ZFYVE9: variants seen among roughly 807,000 people sequenced by gnomAD.
ZFYVE9 encodes zinc finger FYVE domain-containing protein 9.
Under a neutral mutation model 126.7 loss-of-function variants are expected in ZFYVE9, and 43 were observed. The ratio of observed to expected loss-of-function variants is 0.34; its 90% confidence interval spans 0.27 to 0.44. The LOEUF (loss-of-function observed/expected upper bound fraction) is 0.44. Ranked by LOEUF, ZFYVE9 falls within the 20% of genes least tolerant of loss-of-function variation. ZFYVE9 has a pLI of 1.00. For synonymous variants in ZFYVE9, 521 were observed against 597.4 expected (o/e 0.87, Z 1.87); for missense variants, 1,476 against 1,697.0 (o/e 0.87, Z 2.29).
chr1:52,267,002 G>A lies in ZFYVE9; in HGVS notation c.2455+171G>A, dbSNP rs3748622. On this transcript the variant is annotated intron_variant, in intron 6 of 18. Coordinates refer to ENST00000287727, the MANE Select transcript of ZFYVE9 (RefSeq NM_004799.4). The stretch of plus-strand genomic sequence containing the variant: ...ATGTGTCAAGACTATTTCTGGGCAA[G>A]TAGAGAATAATATTTGTGTTGCTTG... 3.9e-3 allele frequency among the ~76,000 whole-genome samples: 594 copies of A among 152,320 alleles called. 11 individuals are homozygous for A. The South Asian group carries it at 0.044, about 11-fold the overall frequency.
intron 1 of ZFYVE9, among the ~76,000 whole-genome samples, chr1:52,195,018 G>A (rs1644847564): frequency 6.6e-6 from 1 of 152,044 alleles, no homozygotes; most frequent in Non-Finnish European, 1.5e-5. Context: ...CAATAGACAT[G>A]TATGTATTTT....
At chr1:52,165,028 G>A (rs554239682) in intron 1 of ZFYVE9, among the ~76,000 whole-genome samples, 1 of 152,090 alleles carries the variant, frequency 6.6e-6, no homozygotes, top group Non-Finnish European at 1.5e-5. Context: ...TTGCACAACT[G>A]TGTGGACATA....
At chr1:52,168,417 GT>G (rs1644533717) in intron 1 of ZFYVE9, among the ~76,000 whole-genome samples, 1 of 151,470 alleles carries the variant, frequency 6.6e-6, no homozygotes, top group Admixed American at 6.6e-5. Flanking sequence ...GGGTTTCACC[GT>G]ATTGGTCAGG....
chr1:52,286,614 T>C (rs985741858), intron 10 of ZFYVE9, among the ~76,000 whole-genome samples: 26 of 152,216 alleles, frequency 1.7e-4, no homozygotes, highest in Non-Finnish European at 3.4e-4. Flanking sequence ...CATTCCTCCA[T>C]ATTTTGTACC....
Position 52,303,998 on chromosome 1 carries a change from A to G in ZFYVE9, c.3438+73A>G, listed in dbSNP as rs928868740. 6.2e-6 allele frequency: 6 copies of G among 969,860 alleles called. No homozygotes were observed. The highest frequency in any genetic ancestry group is 3.4e-5 in the African/African-American group (2 of 58,628). The allele number at this position is 969,860 out of a possible 1,614,324, so 60.1% of individuals were successfully genotyped here. On this transcript the variant is annotated intron_variant, in intron 13 of 18. Transcript: ENST00000287727. ...GAAGGTGAAAAATGCATGATTATAT[A>G]TAAATTTTACTTATAATTAATTAAC...
chr1:52,322,824 A>C (rs1646254188), intron 13 of ZFYVE9, among the ~76,000 whole-genome samples: 1 of 150,874 alleles, frequency 6.6e-6, no homozygotes, highest in South Asian at 2.1e-4. Flanking sequence ...TCTTTTTTGG[A>C]GACAGAGTCT....
intron 1 of ZFYVE9, among the ~76,000 whole-genome samples, chr1:52,201,280 A>G (rs1482539190): frequency 6.6e-6 from 1 of 151,810 alleles, no homozygotes. Context: ...CAACTTATTC[A>G]TCAGTGGTAT....
At chr1:52,191,022 C>T (rs1018865405) in intron 1 of ZFYVE9, among the ~76,000 whole-genome samples, 32 of 152,118 alleles carry the variant, frequency 2.1e-4, no homozygotes, top group African/African-American at 6.0e-4. Flanking sequence ...CTTCAACCTC[C>T]GTGGCTCAAG....
intron 1 of ZFYVE9, among the ~76,000 whole-genome samples, chr1:52,159,201 G>A (rs1644432552): frequency 6.6e-6 from 1 of 152,102 alleles, no homozygotes; most frequent in South Asian, 2.1e-4. Flanking sequence ...GTTAACACTT[G>A]GGCCACCAGC....
chr1:52,284,832 G>A (rs1645842566), intron 10 of ZFYVE9, among the ~76,000 whole-genome samples: 1 of 152,114 alleles, frequency 6.6e-6, no homozygotes, highest in Non-Finnish European at 1.5e-5. Flanking sequence ...ACTAATGATA[G>A]TCTAAGGTCA....
intron 13 of ZFYVE9, among the ~76,000 whole-genome samples, chr1:52,310,305 TAATA>T (rs1646125927): frequency 6.6e-6 from 1 of 152,180 alleles, no homozygotes. Flanking sequence ...TATTAACTAA[TAATA>T]AATATTTAGT....
chr1:52,211,710 G>C (rs1645030120), intron 1 of ZFYVE9, among the ~76,000 whole-genome samples: 2 of 152,148 alleles, frequency 1.3e-5, no homozygotes, highest in Admixed American at 1.3e-4. Flanking sequence ...TTGATTACTG[G>C]TCAGATACTG....
rs555953958 is a variant in ZFYVE9 at position 52,338,473 on chromosome 1, C to T, written c.3833+539C>T. 4.6e-5 allele frequency among the ~76,000 whole-genome samples: 7 copies of T among 152,278 alleles called. No individual in the cohort carries two copies. In the East Asian group the frequency reaches 1.3e-3, roughly 29 times the overall value. ...ACATCTTTGACACTTTTCTTTCCCC[C>T]TCACCCCTTTCTTCCTCTCATACCC... On this transcript the variant is annotated intron_variant, in intron 16 of 18. Coordinates refer to ENST00000287727, the MANE Select transcript of ZFYVE9 (RefSeq NM_004799.4).
In ZFYVE9 at chr1:52,294,671, G is replaced by T. The variant is rs559513215; in HGVS notation, c.3250+994G>T. 2.6e-5 allele frequency among the ~76,000 whole-genome samples: 4 copies of T among 152,298 alleles called. No individual in the cohort carries two copies. In the South Asian group the frequency reaches 8.3e-4, roughly 32 times the overall value. ...TCCAAGACAGGCTCTAACTTGACCA[G>T]ACCAGGAATGAAGGAGTAGTTGGAC... On this transcript the variant is annotated intron_variant, in intron 11 of 18. Coordinates refer to ENST00000287727, the MANE Select transcript of ZFYVE9 (RefSeq NM_004799.4).
At chr1:52,258,629 A>C (rs758708342) in intron 4 of ZFYVE9, among the ~76,000 whole-genome samples, 1 of 152,190 alleles carries the variant, frequency 6.6e-6, no homozygotes, top group Non-Finnish European at 1.5e-5. Context: ...ATTCAGGATT[A>C]TTTAAACTAT....
At chr1:52,341,108 T>A (rs1187679671) in intron 17 of ZFYVE9, among the ~76,000 whole-genome samples, 1 of 152,072 alleles carries the variant, frequency 6.6e-6, no homozygotes, top group Non-Finnish European at 1.5e-5. Context: ...TAATCCCAGC[T>A]ACTCAGGAGG....
chr1:52,180,271 T>C, intron 1 of ZFYVE9: 1 of 1,601,006 alleles, frequency 6.2e-7, no homozygotes, highest in Admixed American at 1.7e-5. Context: ...GATGTCAAAT[T>C]TATCAAAGCC....
chr1:52,289,273 C>T (rs1307462610), intron 10 of ZFYVE9, among the ~76,000 whole-genome samples: 11 of 152,134 alleles, frequency 7.2e-5, no homozygotes, highest in Non-Finnish European at 1.2e-4. Flanking sequence ...TTATTTACCT[C>T]GTCTTTTCAG....
chr1:52,319,259 A>C (rs1362601084), intron 13 of ZFYVE9, among the ~76,000 whole-genome samples: 1 of 152,214 alleles, frequency 6.6e-6, no homozygotes, highest in Non-Finnish European at 1.5e-5. Context: ...AGTACTGTTA[A>C]GATTGCAGTA....
Sources: gnomAD v4.1 joint callset for allele counts (sites outside exome capture counted in the v4.1 genomes callset) on GRCh38, gnomAD v4.1.1 for gene constraint, MANE v1.5 for transcripts, NCBI Gene and HGNC (gene_info 2026-07-23, HGNC 2026-07-21) for gene names.